SMG6: variants seen among roughly 807,000 people sequenced by gnomAD.
SMG6 encodes the protein SMG6 nonsense mediated mRNA decay factor.
A neutral mutation model predicts 142.2 loss-of-function variants in SMG6; 66 were observed. The observed-to-expected ratio is 0.46, with a 90% CI of 0.38 to 0.57. The LOEUF (loss-of-function observed/expected upper bound fraction) is 0.57, where lower values mean the gene tolerates loss of function less well. SMG6 is among the 20% of genes least tolerant of loss of function. The pLI is 0.00. For missense variants in SMG6, 1,793 were observed against 1,832.0 expected (o/e 0.98, Z 0.39); for synonymous variants, 779 against 702.4 (o/e 1.11, Z -1.72).
At position 2,303,687 on chromosome 17, in the gene SMG6, C is replaced by T; in HGVS notation, c.34G>A (p.Ala12Thr). The change falls in exon 1 of 19, where the codon GCG becomes ACG. Residue 12 changes from alanine (A) to threonine (T), a missense_variant. By Grantham distance (58) the Ala-to-Thr change is moderately conservative. This residue lies in a region of SMG6 where 1,597 missense variants were observed against 1,584.6 expected (regional missense o/e 1.01). Transcript: ENST00000263073. The part of the protein sequence containing the change: ...AEGLERVRIS[A>T]SELRGILATL... ...GCCAGGATCCCGCGCAGCTCCGACG[C>T]GGAGATCCGCACACGCTCCAGCCCT... is the stretch of plus-strand genomic sequence containing the variant. 2 of 1,496,514 alleles carry T rather than the reference C, an allele frequency of 1.3e-6. No individual in the cohort carries two copies. The highest frequency in any genetic ancestry group is 1.8e-6 in the Non-Finnish European group (2 of 1,129,372). The allele number at this position is 1,496,514 out of a possible 1,614,324, so 92.7% of individuals were successfully genotyped here.
chr17:2,156,393 C>CAAAAAAAAAAAAAAAAAAAA (rs34203812), intron 13 of SMG6, among the ~76,000 whole-genome samples: 2 of 55,388 alleles, frequency 3.6e-5, no homozygotes, highest in Non-Finnish European at 6.0e-5. Context: ...CACTCCTTCT[C>CAAAAAAAAAAAAAAAAAAAA]AAAAAAAAAA....
intron 13 of SMG6, among the ~76,000 whole-genome samples, chr17:2,159,197 G>C (rs2071099816): frequency 6.6e-6 from 1 of 152,162 alleles, no homozygotes; most frequent in Non-Finnish European, 1.5e-5. Flanking sequence ...GAGGCGGGTG[G>C]ATCATTTGAG....
At chr17:2,175,585 T>TA (rs2071632288) in intron 12 of SMG6, among the ~76,000 whole-genome samples, 2 of 143,836 alleles carry the variant, frequency 1.4e-5, no homozygotes, top group South Asian at 4.4e-4. Flanking sequence ...CCTGCCCACA[T>TA]ACGCCTTTTT....
chr17:2,303,171 G>A (rs750675295), intron 1 of SMG6: 1 of 985,470 alleles, frequency 1.0e-6, no homozygotes, highest in Non-Finnish European at 1.2e-6. Context: ...GGGGGGAAAA[G>A]TTCAGCAACG....
chr17:2,187,614 G>GT (rs771597145), intron 11 of SMG6, among the ~76,000 whole-genome samples: 1 of 152,240 alleles, frequency 6.6e-6, no homozygotes, highest in African/African-American at 2.4e-5. Context: ...AAAGACGAAC[G>GT]TAAGCCCATA....
rs776949805 is a variant in SMG6, at chr17:2,068,766, C to T, written c.3835+12G>A. The T allele has an allele frequency of 2.0e-5, 32 of 1,612,768 alleles. No homozygotes were observed. The highest frequency in any genetic ancestry group is 1.5e-4 in the Admixed American group (9 of 59,920). On this transcript the variant is annotated intron_variant, in intron 16 of 18. Transcript: ENST00000263073. The surrounding 1 kb of genome is among the most constrained non-coding windows in gnomAD (Gnocchi z 6.7). ...ACATGCAAGGCCGCTCTGCCCTTCC[C>T]GCCTGACTCACCGATGAGGGGCACC...
chr17:2,118,266 A>C (rs2069569211), intron 13 of SMG6, among the ~76,000 whole-genome samples: 1 of 152,094 alleles, frequency 6.6e-6, no homozygotes, highest in Non-Finnish European at 1.5e-5. Context: ...GAATGGGCGC[A>C]GTGGCTCATG....
At chr17:2,178,678 G>A (rs577769697) in intron 12 of SMG6, among the ~76,000 whole-genome samples, 3 of 152,188 alleles carry the variant, frequency 2.0e-5, no homozygotes, top group Admixed American at 6.5e-5. Context: ...CGGGGTCGGC[G>A]CCTTATTTGA....
intron 4 of SMG6, among the ~76,000 whole-genome samples, chr17:2,297,010 GAAAA>G (rs374673133): frequency 1.6e-5 from 1 of 61,014 alleles, no homozygotes; most frequent in East Asian, 4.5e-4. Context: ...CTCAAAAAAT[GAAAA>G]AAAAAAAAAA....
chr17:2,120,736 C>T (rs2957926), intron 13 of SMG6, among the ~76,000 whole-genome samples: 53,965 of 151,898 alleles, frequency 0.36, 10,269 homozygotes, highest in African/African-American at 0.49. Flanking sequence ...AAACAAAAAG[C>T]ATACAACTTC....
intron 13 of SMG6, among the ~76,000 whole-genome samples, chr17:2,151,741 T>C (rs564896675): frequency 6.6e-6 from 1 of 152,322 alleles, no homozygotes; most frequent in Admixed American, 6.5e-5. Flanking sequence ...GGCAGGACAT[T>C]TTCCCTACAC....
At chr17:2,302,271 C>T (rs888618634) in intron 1 of SMG6, among the ~76,000 whole-genome samples, 4 of 151,862 alleles carry the variant, frequency 2.6e-5, no homozygotes, top group Admixed American at 2.0e-4. Flanking sequence ...TGGCCGGGCA[C>T]GGTGGCTCAC....
chr17:2,118,088 A>T (rs1308685769), intron 13 of SMG6, among the ~76,000 whole-genome samples: 1 of 152,068 alleles, frequency 6.6e-6, no homozygotes, highest in African/African-American at 2.4e-5. Flanking sequence ...ATAAAAAATT[A>T]AAAAATTAGC....
At chr17:2,123,730 C>T (rs74649134) in intron 13 of SMG6, among the ~76,000 whole-genome samples, 204 of 152,256 alleles carry the variant, frequency 1.3e-3, no homozygotes, top group Non-Finnish European at 2.2e-3. Flanking sequence ...AAGTGAAGCC[C>T]GGCAGAGCCA....
chr17:2,261,872 G>C (rs2074323471), intron 8 of SMG6, among the ~76,000 whole-genome samples: 3 of 152,128 alleles, frequency 2.0e-5, no homozygotes, highest in African/African-American at 2.4e-5. Flanking sequence ...TATGTCACTT[G>C]CAAGTATTTC....
intron 8 of SMG6, among the ~76,000 whole-genome samples, chr17:2,277,861 A>G (rs1316130685): frequency 1.3e-5 from 2 of 152,138 alleles, no homozygotes; most frequent in Non-Finnish European, 2.9e-5. Context: ...CCTAAGCAAC[A>G]TAAGGAAATC....
intron 8 of SMG6, among the ~76,000 whole-genome samples, chr17:2,250,829 CCACTTAT>C (rs2074030268): frequency 6.6e-6 from 1 of 152,066 alleles, no homozygotes; most frequent in African/African-American, 2.4e-5. Flanking sequence ...CAATCAAAGC[CCACTTAT>C]CAGTCTCTCT....
intron 8 of SMG6, among the ~76,000 whole-genome samples, chr17:2,253,735 T>C (rs1229780564): frequency 6.6e-6 from 1 of 152,186 alleles, no homozygotes; most frequent in Non-Finnish European, 1.5e-5. Context: ...TAAGTAAATA[T>C]AACTTTTCTT....
intron 13 of SMG6, among the ~76,000 whole-genome samples, chr17:2,150,149 T>G (rs2070782774): frequency 1.3e-5 from 2 of 152,320 alleles, no homozygotes; most frequent in South Asian, 4.1e-4. Flanking sequence ...TCCTGTCAAG[T>G]CAGCAGCAGC....
Sources: allele counts gnomAD v4.1 joint callset (sites outside exome capture counted in the v4.1 genomes callset), GRCh38; gene constraint gnomAD v4.1.1; regional missense constraint gnomAD v4.1.1; non-coding constraint Gnocchi (gnomAD v3.1); transcripts MANE v1.5; gene names NCBI Gene and HGNC (gene_info 2026-07-23, HGNC 2026-07-21).